Variants in CHN1 observed in about 807,000 individuals in gnomAD.
CHN1 encodes the protein chimerin 1.
A neutral mutation model predicts 59.5 loss-of-function variants in CHN1; 37 were observed. The observed-to-expected ratio is 0.62, with a 90% confidence interval of 0.48 to 0.82. CHN1 has a LOEUF of 0.82. Ranked by LOEUF, CHN1 falls within the 40% of genes least tolerant of loss-of-function variation. The pLI, the probability that CHN1 is intolerant of heterozygous loss-of-function variation, is 0.00. For synonymous variants in CHN1, 206 were observed against 200.4 expected (o/e 1.03, Z -0.24); for missense variants, 469 against 571.0 (o/e 0.82, Z 1.82).
At chr2:174,952,685 G>A (rs2105413739) in intron 1 of CHN1, among the ~76,000 whole-genome samples, 1 of 152,252 alleles carries the variant, frequency 6.6e-6, no homozygotes, top group East Asian at 1.9e-4. Context: ...CTAACATGAA[G>A]AAAGAAGGAA....
chr2:174,990,670 C>A (rs1691518972), intron 1 of CHN1, among the ~76,000 whole-genome samples: 1 of 152,088 alleles, frequency 6.6e-6, no homozygotes, highest in African/African-American at 2.4e-5. Context: ...ATCCTTTTAA[C>A]TTCAACTAAA....
chr2:174,958,873 C>T (rs1334492163), intron 1 of CHN1, among the ~76,000 whole-genome samples: 1 of 152,052 alleles, frequency 6.6e-6, no homozygotes, highest in African/African-American at 2.4e-5. Flanking sequence ...AGCCTCAAGC[C>T]GCTGTTAATG....
At chr2:174,929,947 T>A (rs187845831) in intron 3 of CHN1, among the ~76,000 whole-genome samples, 38 of 152,328 alleles carry the variant, frequency 2.5e-4, no homozygotes, top group South Asian at 2.3e-3. Flanking sequence ...TTCCTCTTAG[T>A]GTTGGAGTCT....
chr2:174,820,208 G>C (rs1685436657), intron 8 of CHN1, among the ~76,000 whole-genome samples: 1 of 152,062 alleles, frequency 6.6e-6, no homozygotes, highest in African/African-American at 2.4e-5. Context: ...TGGGTCAAAT[G>C]GTATTTCTAG....
intron 1 of CHN1, among the ~76,000 whole-genome samples, chr2:174,993,290 C>T (rs574140214): frequency 2.5e-4 from 38 of 151,866 alleles, no homozygotes; most frequent in Admixed American, 2.2e-3. Context: ...ATGTTATATT[C>T]GGAATTGAGT....
intron 6 of CHN1, among the ~76,000 whole-genome samples, chr2:174,874,666 CAAAG>C (rs1687507620): frequency 6.6e-6 from 1 of 151,896 alleles, no homozygotes; most frequent in Non-Finnish European, 1.5e-5. Flanking sequence ...TATTTTAAAA[CAAAG>C]AAAGACCTTA....
chr2:174,807,801 C>G (rs1684946623), intron 11 of CHN1, among the ~76,000 whole-genome samples: 3 of 151,988 alleles, frequency 2.0e-5, no homozygotes, highest in African/African-American at 4.8e-5. Context: ...AAATTTAGAA[C>G]AAAGAAAGAT....
rs942063457 is a variant in CHN1 at position 174,974,947 on chromosome 2, G to A, written c.20-22745C>T. Among the ~76,000 whole-genome samples the A allele has an allele frequency of 3.9e-5, 5 of 127,528 alleles. No homozygotes were observed. In the South Asian group the frequency reaches 7.2e-4, roughly 18 times the overall value. The allele number at this position is 127,528 out of a possible 152,430, so 83.7% of individuals were successfully genotyped here. On this transcript the variant is annotated intron_variant, in intron 1 of 12. Coordinates refer to ENST00000409900, the MANE Select transcript of CHN1 (RefSeq NM_001822.7). The stretch of plus-strand genomic sequence containing the variant: ...CACACACACACACACAGAACAAATC[G>A]ACACAAGCTACACTGACCACTGGAG...
intron 5 of CHN1, among the ~76,000 whole-genome samples, chr2:174,900,826 T>G (rs1289352014): frequency 6.6e-6 from 1 of 150,998 alleles, no homozygotes; most frequent in Non-Finnish European, 1.5e-5. Flanking sequence ...AAAGTAACTA[T>G]CAAATATCTT....
chr2:174,853,861 T>C (rs747340879), intron 6 of CHN1, among the ~76,000 whole-genome samples: 4 of 152,158 alleles, frequency 2.6e-5, no homozygotes, highest in Non-Finnish European at 5.9e-5. Flanking sequence ...AAATAATGCA[T>C]GTTCTCACTT....
At chr2:174,836,174 G>C (rs1042076137) in intron 7 of CHN1, among the ~76,000 whole-genome samples, 3 of 152,138 alleles carry the variant, frequency 2.0e-5, no homozygotes, top group African/African-American at 7.2e-5. Flanking sequence ...CTGTGGCCTG[G>C]AAACTGCCTC....
At chr2:174,927,724 C>G (rs1252295243) in intron 3 of CHN1, among the ~76,000 whole-genome samples, 2 of 152,106 alleles carry the variant, frequency 1.3e-5, no homozygotes, top group African/African-American at 4.8e-5. Context: ...TAACGTTGTT[C>G]TTGCCTACAG....
chr2:174,987,697 G>T (rs1691395530), intron 1 of CHN1, among the ~76,000 whole-genome samples: 1 of 152,150 alleles, frequency 6.6e-6, no homozygotes, highest in African/African-American at 2.4e-5. Flanking sequence ...GCTTCCTAAA[G>T]TGCTGGGATT....
At chr2:174,820,765 AT>A (rs978790539) in intron 8 of CHN1, among the ~76,000 whole-genome samples, 1 of 152,156 alleles carries the variant, frequency 6.6e-6, no homozygotes, top group Non-Finnish European at 1.5e-5. Flanking sequence ...TATTAGCTGG[AT>A]TTAGTCCGAC....
At chr2:174,838,037 C>T (rs183274280) in intron 7 of CHN1, among the ~76,000 whole-genome samples, 84 of 152,166 alleles carry the variant, frequency 5.5e-4, no homozygotes, top group Middle Eastern at 3.4e-3. Context: ...AAGACATGTA[C>T]GTATTCTTTA....
intron 6 of CHN1, among the ~76,000 whole-genome samples, chr2:174,851,693 A>G (rs779930506): frequency 3.3e-5 from 5 of 152,198 alleles, no homozygotes; most frequent in Non-Finnish European, 5.9e-5. Flanking sequence ...ACCTTTGTCC[A>G]TACTATCTGC....
At chr2:174,856,018 A>T (rs1262800915) in intron 6 of CHN1, among the ~76,000 whole-genome samples, 8 of 152,056 alleles carry the variant, frequency 5.3e-5, no homozygotes, top group Non-Finnish European at 4.4e-5. Flanking sequence ...TTTCTGGAGC[A>T]TTTATATTCC....
At chr2:174,809,622 C>A (rs1417722377) in intron 10 of CHN1, among the ~76,000 whole-genome samples, 1 of 152,158 alleles carries the variant, frequency 6.6e-6, no homozygotes, top group East Asian at 1.9e-4. Context: ...CACAAATACA[C>A]AAATATATTC....
At chr2:174,976,504 G>A (rs185932593) in intron 1 of CHN1, among the ~76,000 whole-genome samples, 2 of 152,190 alleles carry the variant, frequency 1.3e-5, no homozygotes, top group Admixed American at 6.5e-5. Flanking sequence ...CTCCCAAAGT[G>A]CTGGATTACA....
Sources: allele counts gnomAD v4.1 joint callset (sites outside exome capture counted in the v4.1 genomes callset), GRCh38; gene constraint gnomAD v4.1.1; transcripts MANE v1.5; gene names NCBI Gene and HGNC (gene_info 2026-07-23, HGNC 2026-07-21).